SMARCC2: variants seen among roughly 807,000 people sequenced by gnomAD.
SMARCC2 encodes the protein SWI/SNF related BAF chromatin remodeling complex subunit C2, also known as SWI/SNF complex subunit SMARCC2.
Under a neutral mutation model 151.3 loss-of-function variants are expected in SMARCC2, and 15 were observed. That is an observed-to-expected ratio of 0.10 (90% CI 0.07 to 0.15). The LOEUF is 0.15. Ranked by LOEUF, SMARCC2 falls within the 10% of genes least tolerant of loss-of-function variation. The pLI is 1.00. For synonymous variants in SMARCC2, 590 were observed against 609.5 expected, an observed-to-expected ratio of 0.97 and a Z score of 0.47; for missense variants, 1,031 against 1,599.7, an observed-to-expected ratio of 0.64 and a Z score of 6.06.
At chr12:56,178,584 G>C in intron 13 of SMARCC2, 50 bp from the exon 14 acceptor site, 1 of 1,612,836 alleles carries the variant, frequency 6.2e-7, no homozygotes, top group East Asian at 2.2e-5. Context: ...TTCCTCCCTA[G>C]CAACCCTCTG....
At chr12:56,169,450 A>C in intron 25 of SMARCC2, 79 bp downstream of exon 25, 1 of 1,499,764 alleles carries the variant, frequency 6.7e-7, no homozygotes, top group Non-Finnish European at 9.1e-7. Context: ...GGTGTGAGTG[A>C]GGAAAGATTT....
At position 56,183,892 on chromosome 12, in the gene SMARCC2, C is replaced by T. The variant is rs1281867615; in HGVS notation, c.601G>A (p.Val201Ile). The change falls in exon 7 of 29, where the codon GTT becomes ATT. Residue 201 changes from valine to isoleucine, a missense_variant. Val to Ile is a conservative substitution (Grantham distance 29). Transcript: ENST00000550164. ...VRPVMKRDKQ[V>I]LLHWGYYPDS... ...GGATAGTAGCCCCAGTGCAGAAGAA[C>T]CTGCTTATCCCTCTTCATGACTGGT... 2 of 1,613,704 alleles carry T rather than the reference C, an allele frequency of 1.2e-6. No homozygotes were observed. The highest frequency in any genetic ancestry group is 8.5e-7 in the Non-Finnish European group (1 of 1,179,796).
chr12:56,165,301 T>C lies in SMARCC2; in HGVS notation c.3232+17A>G, dbSNP rs1220630596. ...GGATTCCTCTAGCCAACAAAAGTTC[T>C]GGAACATAACACTTACCATGGGGTC... On this transcript the variant is annotated intron_variant, in intron 27 of 28. Coordinates refer to ENST00000550164, the MANE Select transcript of SMARCC2 (RefSeq NM_001330288.2). 2.0e-6 allele frequency: 3 copies of C among 1,477,740 alleles called. No homozygotes were observed. 91.5% of individuals were successfully genotyped at this position (1,477,740 alleles called of 1,614,324 possible). A position where few individuals can be genotyped will look rare whatever the true frequency, so the allele number is the denominator to read the frequency against.
intron 28 of SMARCC2, 88 bp from the exon 29 acceptor site, chr12:56,163,853 T>C: frequency 1.3e-6 from 1 of 785,926 alleles, no homozygotes; most frequent in Non-Finnish European, 1.9e-6. Flanking sequence ...GAACCGGGCA[T>C]GGCATGCAGT....
At position 56,187,199 on chromosome 12, in the gene SMARCC2, G is replaced by T; in HGVS notation, c.219C>A (p.Leu73=). The change falls in exon 2 of 29, where the codon CTC becomes CTA. Residue 73 remains leucine, a synonymous_variant. Coordinates refer to ENST00000550164, the MANE Select transcript of SMARCC2 (RefSeq NM_001330288.2). ...CTTCTGCACTCACCGGCAGTTTAGT[G>T]AGCGGTGCATTGCTGACATGTTTGC... ...VFGKHVSNAP[L]TKLPIKCFLD... is the part of the protein sequence containing the mutation. 6.2e-7 allele frequency: 1 copy of T among 1,613,784 alleles called. No individual in the cohort carries two copies. Among genetic ancestry groups the T allele is most frequent in the Non-Finnish European group, 8.5e-7 (1 of 1,179,784 alleles).
Position 56,171,260 on chromosome 12 carries a change from C to A in SMARCC2, c.2347+11G>T. Reference sequence around the variant, plus strand: ...GAAAGGCAAGAAATCTGGGAACCTGCCTGGCCTTACCAATCCGCTCAGGCT... The same window carrying A: ...GAAAGGCAAGAAATCTGGGAACCTGACTGGCCTTACCAATCCGCTCAGGCT... On this transcript the variant is annotated intron_variant, in intron 22 of 28. Transcript: ENST00000550164. This position sits in a 1 kb window ranked among gnomAD's most constrained non-coding sequence, Gnocchi z 4.2. The A allele has an allele frequency of 1.2e-6, 2 of 1,613,864 alleles. No homozygotes were observed. The highest frequency in any genetic ancestry group is 1.7e-6 in the Non-Finnish European group (2 of 1,179,764).
At chr12:56,170,000 T>A in intron 23 of SMARCC2, 89 bp from the exon 24 acceptor site, 2 of 1,433,642 alleles carry the variant, frequency 1.4e-6, no homozygotes, top group Non-Finnish European at 2.0e-6. Flanking sequence ...ACTAAATTTA[T>A]TCCTCTTACT....
intron 26 of SMARCC2, 56 bp downstream of exon 26, chr12:56,168,004 C>T: frequency 6.6e-7 from 1 of 1,506,556 alleles, no homozygotes; most frequent in Non-Finnish European, 9.1e-7. Flanking sequence ...ACACACGCCC[C>T]TCCGATTTTA....
chr12:56,178,291 C>T (rs1479248068), intron 14 of SMARCC2, 113 bp downstream of exon 14: 1 of 1,270,930 alleles, frequency 7.9e-7, no homozygotes, highest in Non-Finnish European at 1.1e-6. Context: ...GTACTCTGGT[C>T]TATTTGGGTG....
In SMARCC2 at chr12:56,181,093, G is replaced by A. The variant is rs1193143079; in HGVS notation, c.965C>T (p.Thr322Ile). 1.2e-6 allele frequency: 2 copies of A among 1,611,956 alleles called. No homozygotes were observed. The highest frequency in any genetic ancestry group is 1.7e-6 in the Non-Finnish European group (2 of 1,179,372). The change falls in exon 11 of 29, where the codon ACA becomes ATA. Residue 322 changes from threonine (T) to isoleucine (I), a missense_variant. This residue lies in a region of SMARCC2 where 127 missense variants were observed against 141.7 expected (regional missense o/e 0.90). Transcript: ENST00000550164. ...KKKNAKKGPS[T>I]PYTKSKRGHR... ...GCCACGCTTTGACTTAGTGTAAGGT[G>A]TTGAGGGACTGGGAAGGAAAGAGAG...
chr12:56,185,482 C>CT (rs922780076), intron 3 of SMARCC2: 4,908 of 172,020 alleles, frequency 0.029, no homozygotes, highest in South Asian at 0.074. Flanking sequence ...CACACCCGGC[C>CT]TTTTTTTTTT....
In SMARCC2 at chr12:56,164,734, G is replaced by C. The variant is rs774804446; in HGVS notation, c.3233-3C>G. ...TTGGTTGGGGAACGGTGAGGGGCCT[G>C]AGAATAAAGATGAGAGATGGAGAAA... is the stretch of plus-strand genomic sequence containing the variant. On this transcript the variant is annotated splice_region_variant and splice_polypyrimidine_tract_variant and intron_variant, in intron 27 of 28. Transcript: ENST00000550164. 6.3e-7 allele frequency: 1 copy of C among 1,597,490 alleles called. No homozygotes were observed. The highest frequency in any genetic ancestry group is 8.5e-7 in the Non-Finnish European group (1 of 1,171,186).
chr12:56,167,048 G>GT (rs1565894665), intron 26 of SMARCC2, among the ~76,000 whole-genome samples: 2 of 139,264 alleles, frequency 1.4e-5, no homozygotes, highest in East Asian at 4.2e-4. Flanking sequence ...GGGCGAAAGA[G>GT]TAAGACTCCA....
intron 16 of SMARCC2, 115 bp downstream of exon 16, chr12:56,174,536 G>C (rs78679733): frequency 2.1e-4 from 144 of 689,652 alleles, no homozygotes; most frequent in Non-Finnish European, 2.9e-4. Context: ...TTTCTCTAGA[G>C]GTGCTTTTTT....
At chr12:56,177,118 G>A (rs1489716096) in intron 15 of SMARCC2, among the ~76,000 whole-genome samples, 2 of 152,106 alleles carry the variant, frequency 1.3e-5, no homozygotes, top group African/African-American at 2.4e-5. Flanking sequence ...ACCGCGCCTG[G>A]TCTTTTTAGT....
intron 15 of SMARCC2, among the ~76,000 whole-genome samples, chr12:56,176,492 T>A (rs1014406020): frequency 6.6e-6 from 1 of 152,178 alleles, no homozygotes; most frequent in Non-Finnish European, 1.5e-5. Context: ...TTTTTTTTTT[T>A]CTTGAGACGG....
chr12:56,187,166 C>T, intron 2 of SMARCC2, 21 bp downstream of exon 2: 1 of 1,603,446 alleles, frequency 6.2e-7, no homozygotes, highest in Non-Finnish European at 8.5e-7. Context: ...CCCCCACCCT[C>T]CCTGCTACTT....
chr12:56,174,195 C>CA (rs1874502642), intron 16 of SMARCC2, among the ~76,000 whole-genome samples: 1 of 152,152 alleles, frequency 6.6e-6, no homozygotes. Flanking sequence ...CTGCAGCCTC[C>CA]ACCTCCAGGG....
At position 56,164,376 on chromosome 12, in the gene SMARCC2, G is replaced by A. The variant is rs546122042; in HGVS notation, c.3588C>T (p.Ser1196=). Residue 1196 remains serine, a synonymous_variant, in exon 28 of 29, where the codon TCC becomes TCT. Coordinates refer to ENST00000550164, the MANE Select transcript of SMARCC2 (RefSeq NM_001330288.2). ...CAATGGCAGGGCTTTGGGCTGCGGC[G>A]GATCCGAGCCCCGGCCCGAGAGGCA... ...SSLPLGPGLG[S]AAAQSPAIVA... 7.7e-5 allele frequency: 125 copies of A among 1,613,766 alleles called. No individual in the cohort carries two copies. In the South Asian group the frequency reaches 1.1e-3, roughly 14 times the overall value.
Sources: gnomAD v4.1 joint callset for allele counts (sites outside exome capture counted in the v4.1 genomes callset) on GRCh38, gnomAD v4.1.1 for gene constraint, gnomAD v4.1.1 regional missense constraint, Gnocchi (gnomAD v3.1) non-coding constraint, MANE v1.5 for transcripts, NCBI Gene and HGNC (gene_info 2026-07-23, HGNC 2026-07-21) for gene names.